Variants in CIMIP4 observed in about 807,000 individuals in gnomAD.
The protein encoded by CIMIP4 is protein EAN57.
chr22:36,999,855 A>G, the CIMIP4 span: 1 of 1,613,552 alleles, frequency 6.2e-7, no homozygotes, highest in Non-Finnish European at 8.5e-7. Flanking sequence ...AACAAGTTTG[A>G]CCGCATGTTG....
chr22:36,991,626 A>G, the CIMIP4 span: 1 of 1,563,166 alleles, frequency 6.4e-7, no homozygotes, highest in Non-Finnish European at 8.8e-7. Context: ...CAAGTGCCCA[A>G]TTCAGTGGCA....
the CIMIP4 span, among the ~76,000 whole-genome samples, chr22:37,006,886 C>G: frequency 1.3e-5 from 2 of 152,198 alleles, no homozygotes; most frequent in Non-Finnish European, 2.9e-5. Flanking sequence ...GTCTTTTTCA[C>G]ACACTCTCTG....
chr22:36,991,598 A>G, the CIMIP4 span: 1 of 1,613,872 alleles, frequency 6.2e-7, no homozygotes, highest in Non-Finnish European at 8.5e-7. Context: ...GCCCCTGTAG[A>G]ATACCATGAA....
chr22:37,001,305 G>A, the CIMIP4 span, among the ~76,000 whole-genome samples: 1 of 151,822 alleles, frequency 6.6e-6, no homozygotes, highest in Admixed American at 6.6e-5. Context: ...TCGCTTTACA[G>A]ATGTGGAGAC....
At chr22:36,996,219 A>G in the CIMIP4 span, among the ~76,000 whole-genome samples, 2 of 146,814 alleles carry the variant, frequency 1.4e-5, no homozygotes, top group Non-Finnish European at 3.0e-5. Flanking sequence ...TCAGAGCAGT[A>G]CCTGGCATAT....
At chr22:36,996,586 A>G in the CIMIP4 span, among the ~76,000 whole-genome samples, 5 of 152,330 alleles carry the variant, frequency 3.3e-5, no homozygotes, top group South Asian at 4.1e-4. Flanking sequence ...TAGAAAATTC[A>G]TTATAAAGCT....
the CIMIP4 span, among the ~76,000 whole-genome samples, chr22:36,995,231 G>A: frequency 6.6e-6 from 1 of 152,222 alleles, no homozygotes; most frequent in Non-Finnish European, 1.5e-5. Flanking sequence ...AAAAGGACAG[G>A]ACGTAAGCTA....
the CIMIP4 span, among the ~76,000 whole-genome samples, chr22:36,998,020 G>T: frequency 6.6e-6 from 1 of 152,222 alleles, no homozygotes; most frequent in Non-Finnish European, 1.5e-5. Context: ...GCATTTATGT[G>T]CCAGTCAGTT....
At chr22:37,005,360 A>G in the CIMIP4 span, among the ~76,000 whole-genome samples, 1 of 152,318 alleles carries the variant, frequency 6.6e-6, no homozygotes, top group South Asian at 2.1e-4. Context: ...TTAAACATAC[A>G]GTGTCAAACT....
chr22:36,991,980 G>C, the CIMIP4 span, among the ~76,000 whole-genome samples: 1 of 152,190 alleles, frequency 6.6e-6, no homozygotes, highest in Non-Finnish European at 1.5e-5. Flanking sequence ...CAATGATCAA[G>C]AGTCAGCAGA....
At chr22:37,007,313 C>T in the CIMIP4 span, among the ~76,000 whole-genome samples, 1 of 152,188 alleles carries the variant, frequency 6.6e-6, no homozygotes, top group Non-Finnish European at 1.5e-5. Context: ...TGTTCGGAGA[C>T]ACTACTAATT....
the CIMIP4 span, among the ~76,000 whole-genome samples, chr22:36,992,389 G>T: frequency 6.6e-6 from 1 of 152,046 alleles, no homozygotes; most frequent in Non-Finnish European, 1.5e-5. Flanking sequence ...TTTAATGATT[G>T]AAACCATAAG....
the CIMIP4 span, chr22:36,991,197 G>A: frequency 6.2e-7 from 1 of 1,614,136 alleles, no homozygotes; most frequent in Non-Finnish European, 8.5e-7. Flanking sequence ...TGGAGCTCTT[G>A]GATTTGCTGT....
chr22:37,001,509 T>C, the CIMIP4 span, among the ~76,000 whole-genome samples: 99,259 of 151,962 alleles, frequency 0.65, 33,214 homozygotes, highest in African/African-American at 0.8. Context: ...TCATTAAGGA[T>C]CAGAGTTCCA....
the CIMIP4 span, chr22:36,991,661 G>A: frequency 2.7e-5 from 34 of 1,245,082 alleles, no homozygotes; most frequent in African/African-American, 4.8e-4. Context: ...GGCTTATATT[G>A]GGTGTCAGTT....
At chr22:36,999,232 G>C in the CIMIP4 span, among the ~76,000 whole-genome samples, 1 of 148,832 alleles carries the variant, frequency 6.7e-6, no homozygotes, top group African/African-American at 2.5e-5. Context: ...CAAGGTGGGT[G>C]AATCACTTGA....
At chr22:36,999,739 G>T in the CIMIP4 span, 18 of 1,459,504 alleles carry the variant, frequency 1.2e-5, no homozygotes, top group Non-Finnish European at 1.7e-5. Flanking sequence ...GTGCCCTGGG[G>T]TCCTAGACCC....
At chr22:36,991,708 G>C in the CIMIP4 span, 1 of 865,142 alleles carries the variant, frequency 1.2e-6, no homozygotes, top group Non-Finnish European at 1.9e-6. Context: ...CGGAAGGAGA[G>C]TGGGAAGGGT....
chr22:37,007,107 A>G, the CIMIP4 span, among the ~76,000 whole-genome samples: 4 of 152,188 alleles, frequency 2.6e-5, 1 homozygote, highest in Non-Finnish European at 5.9e-5. Context: ...AGCCTGTGAG[A>G]GACCCTGGGA....
Sources: allele counts gnomAD v4.1 joint callset (sites outside exome capture counted in the v4.1 genomes callset), GRCh38; gene constraint gnomAD v4.1.1; transcripts MANE v1.5; gene names NCBI Gene and HGNC (gene_info 2026-07-23, HGNC 2026-07-21).